ITGB2: variants seen among roughly 807,000 people sequenced by gnomAD.
The protein encoded by ITGB2 is integrin subunit beta 2.
ITGB2 carries 56 observed loss-of-function variants against 86.8 expected under a neutral mutation model. That is an observed-to-expected ratio of 0.65 (90% CI 0.52 to 0.81). The LOEUF is 0.81. Ranked by LOEUF, ITGB2 falls within the 30% of genes least tolerant of loss-of-function variation. The probability of loss-of-function intolerance (pLI) is 0.00; values close to 1 mark genes in which losing one functional copy is unlikely to be tolerated. For synonymous variants in ITGB2, 457 were observed against 450.4 expected, an observed-to-expected ratio of 1.01 and a Z score of -0.19; for missense variants, 948 against 1,061.2, an observed-to-expected ratio of 0.89 and a Z score of 1.48.
chr21:44,897,580 T>G (rs1050087799), intron 8 of ITGB2, among the ~76,000 whole-genome samples: 16 of 152,154 alleles, frequency 1.1e-4, no homozygotes, highest in African/African-American at 3.4e-4. Flanking sequence ...CGGGCACCAC[T>G]ACCCCTTTCA....
intron 5 of ITGB2, among the ~76,000 whole-genome samples, chr21:44,902,284 T>A (rs2083971284): frequency 6.6e-6 from 1 of 152,244 alleles, no homozygotes; most frequent in Admixed American, 6.5e-5. Flanking sequence ...CATGTGGTCT[T>A]GCACGTGTGT....
rs1430244491 is a variant in ITGB2 at position 44,906,998 on chromosome 21, G to T, written c.245C>A (p.Thr82Lys). 6.2e-7 allele frequency: 1 copy of T among 1,614,082 alleles called. No homozygotes were observed. Among genetic ancestry groups the T allele is most frequent in the Non-Finnish European group, 8.5e-7 (1 of 1,180,040 alleles). The stretch of plus-strand genomic sequence containing the variant: ...GTCTTCCTGGGTTTCAGCGAGGCTT[G>T]TGGGGTCCATGATGTCGTCAGCCGC... Reference protein sequence around the residue: ...GCAADDIMDPTSLAETQEDHN... With the variant: ...GCAADDIMDPKSLAETQEDHN... Residue 82 changes from threonine (T) to lysine (K), a missense_variant, in exon 4 of 16, where the codon ACA becomes AAA. Physicochemically the swap from Thr to Lys is moderately conservative, Grantham distance 78 (BLOSUM62 -1). Coordinates refer to ENST00000652462, the MANE Select transcript of ITGB2 (RefSeq NM_000211.5).
At chr21:44,889,047 G>T in intron 13 of ITGB2, 152 bp from the exon 14 acceptor site, 1 of 712,860 alleles carries the variant, frequency 1.4e-6, no homozygotes, top group Non-Finnish European at 2.4e-6. Flanking sequence ...AGATGCGGGT[G>T]CAGCGGGTGA....
At chr21:44,889,596 C>G in intron 12 of ITGB2, 101 bp from the exon 13 acceptor site, 1 of 1,098,732 alleles carries the variant, frequency 9.1e-7, no homozygotes, top group Non-Finnish European at 1.3e-6. Context: ...CCTGCCTCCT[C>G]CAGCCTGGGG....
chr21:44,923,883 C>G (rs902697737), upstream of ITGB2, among the ~76,000 whole-genome samples: 3 of 152,022 alleles, frequency 2.0e-5, no homozygotes, highest in Admixed American at 2.0e-4. Flanking sequence ...AATAAAGAAA[C>G]GGAAAATACA....
At chr21:44,902,646 TGA>T (rs1176983474) in intron 5 of ITGB2, among the ~76,000 whole-genome samples, 5 of 152,094 alleles carry the variant, frequency 3.3e-5, no homozygotes, top group African/African-American at 1.2e-4. Flanking sequence ...CATTCATGTG[TGA>T]GTGTGCATTC....
chr21:44,893,154 G>A (rs1265850381), intron 10 of ITGB2: 25 of 458,148 alleles, frequency 5.5e-5, no homozygotes, highest in East Asian at 3.9e-4. Flanking sequence ...CAAGGAAAGC[G>A]TCTGGCCTCG....
chr21:44,924,881 T>C (rs1254128692), upstream of ITGB2, among the ~76,000 whole-genome samples: 3 of 152,118 alleles, frequency 2.0e-5, no homozygotes, highest in Non-Finnish European at 4.4e-5. Flanking sequence ...AAGAATAACA[T>C]GCACCTCGTC....
At chr21:44,904,439 A>T (rs1172338642) in intron 4 of ITGB2, among the ~76,000 whole-genome samples, 1 of 151,852 alleles carries the variant, frequency 6.6e-6, no homozygotes, top group African/African-American at 2.4e-5. Flanking sequence ...CGTAGCACAC[A>T]CGCACCCACA....
At chr21:44,895,813 CA>C (rs1201912569) in intron 8 of ITGB2, among the ~76,000 whole-genome samples, 3 of 144,872 alleles carry the variant, frequency 2.1e-5, no homozygotes, top group African/African-American at 7.7e-5. Context: ...GCCTGGGCAA[CA>C]AGAGCAAAAC....
intron 1 of ITGB2, among the ~76,000 whole-genome samples, chr21:44,919,021 G>GAGCGTCCCCTCTCC (rs2084254519): frequency 5.0e-5 from 2 of 40,308 alleles, no homozygotes; most frequent in African/African-American, 6.9e-4. Flanking sequence ...GCACTCGGAG[G>GAGCGTCCCCTCTCC]CACCTGCAGT....
intron 12 of ITGB2, among the ~76,000 whole-genome samples, 173 bp downstream of exon 12, chr21:44,889,805 G>A (rs533551696): frequency 1.3e-5 from 2 of 152,314 alleles, no homozygotes; most frequent in South Asian, 4.1e-4. Context: ...GGCAGGGCGG[G>A]GTGCAGGGCC....
rs759039359 is a variant in ITGB2, at chr21:44,889,979, C to A, written c.1656G>T (p.Pro552=). Residue 552 remains proline (P), a splice_region_variant and synonymous_variant, in exon 12 of 16, where the codon CCG becomes CCT. Coordinates refer to ENST00000652462, the MANE Select transcript of ITGB2 (RefSeq NM_000211.5). ...ERYNGQVCGG[P]GRGLCFCGKC... The stretch of plus-strand genomic sequence containing the variant: ...TCCAGCAGGGACCCACGGGCTCACC[C>A]GGGCCGCCGCAGACCTGGCCGTTGT... 6.2e-7 allele frequency: 1 copy of A among 1,613,004 alleles called. No individual in the cohort carries two copies. The highest frequency in any genetic ancestry group is 2.2e-5 in the East Asian group (1 of 44,882).
Position 44,903,489 on chromosome 21 carries a change from G to A in ITGB2, c.375C>T (p.Tyr125=). 4 of 1,614,102 alleles carry A rather than the reference G, an allele frequency of 2.5e-6. No individual in the cohort carries two copies. Among genetic ancestry groups the A allele is most frequent in the East Asian group, 2.2e-5 (1 of 44,878 alleles). The part of the protein sequence containing the change: ...FNVTFRRAKG[Y]PIDLYYLMDL... ...CCATCAGATAGTACAGGTCGATGGG[G>A]TAGCCCTTGGCCCGCCGGAAGGTCA... Residue 125 remains tyrosine, a synonymous_variant, in exon 5 of 16, where the codon TAC becomes TAT. Transcript: ENST00000652462.
intron 9 of ITGB2, chr21:44,893,746 AC>A: frequency 1.6e-6 from 1 of 636,596 alleles, no homozygotes; most frequent in Non-Finnish European, 2.8e-6. Flanking sequence ...AGACAGCCTG[AC>A]CACAGGGACT....
chr21:44,900,497 C>G, intron 6 of ITGB2, 22 bp from the exon 7 acceptor site: 1 of 1,612,802 alleles, frequency 6.2e-7, no homozygotes, highest in Non-Finnish European at 8.5e-7. Flanking sequence ...GCGTGGGGGG[C>G]AGGGTTACCT....
intron 4 of ITGB2, among the ~76,000 whole-genome samples, chr21:44,904,072 C>G (rs977774140): frequency 2.6e-5 from 4 of 152,158 alleles, no homozygotes; most frequent in Non-Finnish European, 4.4e-5. Flanking sequence ...TCACCGCAAC[C>G]AGCCTGTGTC....
In ITGB2 at chr21:44,911,182, C is replaced by T. The variant is rs943555982; in HGVS notation, c.-3-397G>A. 7 of 346,914 alleles carry T rather than the reference C, an allele frequency of 2.0e-5. No individual in the cohort carries two copies. The Admixed American group carries it at 2.5e-4, about 12-fold the overall frequency. The allele number at this position is 346,914 out of a possible 1,614,324, so 21.5% of individuals were successfully genotyped here. On this transcript the variant is annotated intron_variant, in intron 1 of 15. Coordinates refer to ENST00000652462, the MANE Select transcript of ITGB2 (RefSeq NM_000211.5). ...ACACCACACATATACATGCATCACA[C>T]CACACATATGTACACACAGAGATGT... is the stretch of plus-strand genomic sequence containing the variant.
At chr21:44,900,252 C>T (rs964413264) in intron 7 of ITGB2, 68 bp downstream of exon 7, 3 of 1,588,178 alleles carry the variant, frequency 1.9e-6, no homozygotes, top group Middle Eastern at 1.7e-4. Flanking sequence ...GGTGGAGACC[C>T]CACCCTTGTC....
Sources: gnomAD v4.1 joint callset for allele counts (sites outside exome capture counted in the v4.1 genomes callset) on GRCh38, gnomAD v4.1.1 for gene constraint, MANE v1.5 for transcripts, NCBI Gene and HGNC (gene_info 2026-07-23, HGNC 2026-07-21) for gene names.